The following DNM3 variants were observed in gnomAD, a reference collection of about 807,000 sequenced individuals.
DNM3 encodes dynamin-3.
A neutral mutation model predicts 101.6 loss-of-function variants in DNM3; 47 were observed. That is an observed-to-expected ratio of 0.46 (90% CI 0.37 to 0.59). DNM3 has a LOEUF of 0.59. Ranked by LOEUF, DNM3 falls within the 20% of genes least tolerant of loss-of-function variation. DNM3 has a pLI of 0.00. For synonymous variants in DNM3, 385 were observed against 387.9 expected, an observed-to-expected ratio of 0.99 and a Z score of 0.09; for missense variants, 849 against 1,085.7, an observed-to-expected ratio of 0.78 and a Z score of 3.06.
chr1:172,415,536 T>G (rs200180794), downstream of DNM3, among the ~76,000 whole-genome samples: 3,503 of 139,554 alleles, frequency 0.025, 100 homozygotes, highest in Admixed American at 0.067. Context: ...TTTTTTTTTT[T>G]TTTTTTTTTT....
At chr1:171,890,093 A>T (rs1159852850) in intron 1 of DNM3, among the ~76,000 whole-genome samples, 1 of 152,206 alleles carries the variant, frequency 6.6e-6, no homozygotes, top group Admixed American at 6.5e-5. Context: ...ATCCGCCTTT[A>T]TTCTCCGAAC....
intron 1 of DNM3, among the ~76,000 whole-genome samples, chr1:171,886,383 AGGT>A (rs2036769555): frequency 6.6e-6 from 1 of 152,192 alleles, no homozygotes; most frequent in African/African-American, 2.4e-5. Context: ...ATGGTAATAG[AGGT>A]TCATACTGAG....
chr1:172,102,413 T>C (rs561682820), intron 13 of DNM3, among the ~76,000 whole-genome samples: 1 of 152,306 alleles, frequency 6.6e-6, no homozygotes, highest in Admixed American at 6.5e-5. Flanking sequence ...CCTGTTAATT[T>C]GTTCTGCGTC....
At chr1:172,290,037 A>T in intron 15 of DNM3, 1 of 921,018 alleles carries the variant, frequency 1.1e-6, no homozygotes, top group African/African-American at 1.8e-5. Flanking sequence ...TCTTTGTGTC[A>T]TTAATTTATT....
At chr1:172,033,512 A>G (rs1260329309) in intron 6 of DNM3, among the ~76,000 whole-genome samples, 2 of 152,216 alleles carry the variant, frequency 1.3e-5, no homozygotes, top group East Asian at 3.9e-4. Context: ...ATTTAGGAAC[A>G]GTGAACAGGG....
intron 14 of DNM3, among the ~76,000 whole-genome samples, chr1:172,189,320 T>C (rs2148428107): frequency 6.6e-6 from 1 of 152,210 alleles, no homozygotes; most frequent in South Asian, 2.1e-4. Context: ...TCTTGAGTAT[T>C]ATGTTGGCTA....
chr1:172,001,974 G>A (rs1328700046), intron 4 of DNM3, among the ~76,000 whole-genome samples: 3 of 152,024 alleles, frequency 2.0e-5, no homozygotes, highest in African/African-American at 7.2e-5. Context: ...TAGTTGAGCA[G>A]AAGCTTCAAA....
intron 7 of DNM3, among the ~76,000 whole-genome samples, chr1:172,040,298 C>T (rs2049280091): frequency 6.6e-6 from 1 of 152,108 alleles, no homozygotes; most frequent in African/African-American, 2.4e-5. Context: ...AGTCTAGCTT[C>T]TTTGGCCTAA....
intron 12 of DNM3, among the ~76,000 whole-genome samples, chr1:172,087,182 C>G (rs1447416982): frequency 3.3e-5 from 5 of 152,258 alleles, no homozygotes; most frequent in Non-Finnish European, 5.9e-5. Context: ...AGATCTGTTC[C>G]TTTGCTTCAA....
intron 14 of DNM3, among the ~76,000 whole-genome samples, chr1:172,219,202 A>G (rs1446502516): frequency 6.6e-6 from 1 of 151,858 alleles, no homozygotes; most frequent in Non-Finnish European, 1.5e-5. Context: ...AAAATAAAAA[A>G]TAAAAGAAAA....
chr1:172,013,120 A>AT (rs1314998381), intron 4 of DNM3, among the ~76,000 whole-genome samples: 1 of 151,770 alleles, frequency 6.6e-6, no homozygotes, highest in African/African-American at 2.4e-5. Flanking sequence ...CTCTATATTG[A>AT]TTTTTTTCAT....
chr1:172,403,184 A>C (rs1190619977), intron 20 of DNM3, among the ~76,000 whole-genome samples: 1 of 152,180 alleles, frequency 6.6e-6, no homozygotes, highest in Non-Finnish European at 1.5e-5. Context: ...AAGAAGACTG[A>C]ACTACATAGG....
chr1:172,351,573 T>C (rs1482791304), intron 17 of DNM3, among the ~76,000 whole-genome samples: 1 of 152,214 alleles, frequency 6.6e-6, no homozygotes, highest in Non-Finnish European at 1.5e-5. Flanking sequence ...AAACTTGATA[T>C]ATCAGGTCTC....
intron 14 of DNM3, chr1:172,142,321 G>A (rs947337286): frequency 2.0e-5 from 3 of 152,066 alleles, no homozygotes; most frequent in African/African-American, 7.2e-5. Flanking sequence ...ATGTGGGCGT[G>A]TGTACCAGCG....
chr1:172,090,909 A>C (rs560155447), intron 12 of DNM3, among the ~76,000 whole-genome samples: 2 of 152,330 alleles, frequency 1.3e-5, no homozygotes, highest in African/African-American at 4.8e-5. Flanking sequence ...TCTCCAAAAC[A>C]GCTTCCATAA....
chr1:172,129,056 T>C (rs1412135817), intron 13 of DNM3, among the ~76,000 whole-genome samples: 2 of 152,190 alleles, frequency 1.3e-5, no homozygotes, highest in East Asian at 3.8e-4. Flanking sequence ...TTATTATACA[T>C]ACTGATGCCA....
At chr1:172,011,496 T>C (rs2047123086) in intron 4 of DNM3, among the ~76,000 whole-genome samples, 1 of 152,020 alleles carries the variant, frequency 6.6e-6, no homozygotes, top group Non-Finnish European at 1.5e-5. Flanking sequence ...GGTTATCTCC[T>C]TGGATTTTTC....
intron 2 of DNM3, among the ~76,000 whole-genome samples, chr1:171,971,209 T>A (rs2043967956): frequency 6.6e-6 from 1 of 152,074 alleles, no homozygotes; most frequent in Non-Finnish European, 1.5e-5. Flanking sequence ...TTTTGTTTTT[T>A]CTCTTTGGTG....
chr1:171,871,197 C>T (rs187737568), intron 1 of DNM3, among the ~76,000 whole-genome samples: 29 of 152,260 alleles, frequency 1.9e-4, no homozygotes, highest in Admixed American at 1.4e-3. Context: ...TATGTATGTG[C>T]TCACCACTCT....
Sources: allele counts gnomAD v4.1 joint callset (sites outside exome capture counted in the v4.1 genomes callset), GRCh38; gene constraint gnomAD v4.1.1; transcripts MANE v1.5; gene names NCBI Gene and HGNC (gene_info 2026-07-23, HGNC 2026-07-21).